NFYC: variants seen among roughly 807,000 people sequenced by gnomAD.
NFYC encodes the protein CAAT box DNA-binding protein subunit C.
NFYC carries 25 observed loss-of-function variants against 53.1 expected under a neutral mutation model. The observed-to-expected ratio is 0.47, with a 90% CI of 0.34 to 0.66. The LOEUF (loss-of-function observed/expected upper bound fraction) is 0.66, where lower values mean the gene tolerates loss of function less well. NFYC is among the 30% of genes least tolerant of loss of function. NFYC has a pLI of 0.01. For missense variants in NFYC, 260 were observed against 422.7 expected, an observed-to-expected ratio of 0.62 and a Z score of 3.38; for synonymous variants, 145 against 152.6, an observed-to-expected ratio of 0.95 and a Z score of 0.37.
chr1:40,718,171 G>C (rs1389492133), intron 1 of NFYC, among the ~76,000 whole-genome samples: 3 of 152,220 alleles, frequency 2.0e-5, no homozygotes, highest in African/African-American at 7.2e-5. Context: ...GTTAAGCAAT[G>C]TAATAGAATG....
chr1:40,767,291 A>C, intron 8 of NFYC: 1 of 346,730 alleles, frequency 2.9e-6, no homozygotes, highest in Non-Finnish European at 5.5e-6. Context: ...AGGCATTGTT[A>C]ATGGATTCTT....
intron 1 of NFYC, among the ~76,000 whole-genome samples, chr1:40,725,334 T>C (rs924123803): frequency 6.6e-6 from 1 of 152,206 alleles, no homozygotes; most frequent in Admixed American, 6.5e-5. Flanking sequence ...ATGTGTTCAG[T>C]ATACATCATT....
chr1:40,735,802 T>C, intron 1 of NFYC: 1 of 973,222 alleles, frequency 1.0e-6, no homozygotes, highest in Non-Finnish European at 1.2e-6. Context: ...CAGAAAGATA[T>C]TTTTGTTTGC....
At chr1:40,742,347 A>G (rs961590819) in intron 2 of NFYC, among the ~76,000 whole-genome samples, 1 of 151,990 alleles carries the variant, frequency 6.6e-6, no homozygotes, top group Non-Finnish European at 1.5e-5. Flanking sequence ...GCTGTGTTAC[A>G]TGAGTGTGCA....
Position 40,762,870 on chromosome 1 carries a change from C to T in NFYC, c.562-18C>T, listed in dbSNP as rs1419561208. On this transcript the variant is annotated intron_variant, in intron 6 of 9. Coordinates refer to ENST00000447388, the MANE Select transcript of NFYC (RefSeq NM_014223.5). ...TGAGCCTGAACTCACGCAGCATTCT[C>T]ATAACTCTTCCTTTCAGACCACACC... is the stretch of plus-strand genomic sequence containing the variant. 6.4e-7 allele frequency: 1 copy of T among 1,562,684 alleles called. No homozygotes were observed. Among genetic ancestry groups the T allele is most frequent in the Middle Eastern group, 1.9e-4 (1 of 5,344 alleles).
chr1:40,757,058 A>G (rs1212822396), intron 5 of NFYC, among the ~76,000 whole-genome samples: 1 of 152,232 alleles, frequency 6.6e-6, no homozygotes, highest in Non-Finnish European at 1.5e-5. Context: ...GTGTACATCT[A>G]AGAAGTGTCT....
intron 1 of NFYC, among the ~76,000 whole-genome samples, chr1:40,732,556 A>C (rs955391520): frequency 1.3e-5 from 2 of 152,332 alleles, no homozygotes; most frequent in East Asian, 3.9e-4. Flanking sequence ...TAGATTGCCC[A>C]CTCATCAGTG....
intron 1 of NFYC, among the ~76,000 whole-genome samples, chr1:40,698,290 A>T (rs569522012): frequency 6.6e-6 from 1 of 150,936 alleles, no homozygotes; most frequent in East Asian, 2.0e-4. Flanking sequence ...TCGAACCCAG[A>T]GGCGGAGGCT....
intron 1 of NFYC, among the ~76,000 whole-genome samples, chr1:40,727,996 T>C (rs1644598612): frequency 6.6e-6 from 1 of 152,094 alleles, no homozygotes; most frequent in African/African-American, 2.4e-5. Flanking sequence ...TGGAGTGCAG[T>C]GGTGTGATCT....
At chr1:40,767,079 G>A in intron 8 of NFYC, 2 of 1,126,766 alleles carry the variant, frequency 1.8e-6, no homozygotes, top group Non-Finnish European at 2.6e-6. Context: ...CACCTCCTGT[G>A]CTCTTTGGAA....
chr1:40,708,350 G>A (rs1453942873), intron 1 of NFYC, among the ~76,000 whole-genome samples: 1 of 152,190 alleles, frequency 6.6e-6, no homozygotes, highest in Non-Finnish European at 1.5e-5. Flanking sequence ...GAATGTGCAA[G>A]TGTTTTATGC....
At chr1:40,719,987 A>G (rs1644272589) in intron 1 of NFYC, among the ~76,000 whole-genome samples, 1 of 152,248 alleles carries the variant, frequency 6.6e-6, no homozygotes, top group South Asian at 2.1e-4. Flanking sequence ...AGTGTAAAGT[A>G]TGTACAAATG....
chr1:40,766,143 T>A, intron 7 of NFYC: 1 of 166,416 alleles, frequency 6.0e-6, no homozygotes, highest in Non-Finnish European at 1.3e-5. Context: ...GTGTGAGGGC[T>A]ATGATGCGGA....
chr1:40,718,660 A>T (rs1644225634), intron 1 of NFYC, among the ~76,000 whole-genome samples: 1 of 152,226 alleles, frequency 6.6e-6, no homozygotes, highest in Admixed American at 6.5e-5. Flanking sequence ...TCTTTAATGA[A>T]TCCTAAATTC....
At chr1:40,754,933 C>G (rs940774906) in intron 5 of NFYC, among the ~76,000 whole-genome samples, 1 of 152,022 alleles carries the variant, frequency 6.6e-6, no homozygotes, top group South Asian at 2.1e-4. Context: ...TGTAGGTGTT[C>G]GAGGCATTGA....
chr1:40,707,861 A>AG (rs1244285101), intron 1 of NFYC, among the ~76,000 whole-genome samples: 1 of 151,718 alleles, frequency 6.6e-6, no homozygotes, highest in East Asian at 1.9e-4. Context: ...AAAAAAAAAA[A>AG]AAAAAGAATG....
chr1:40,738,209 T>C (rs1475376906), intron 1 of NFYC, among the ~76,000 whole-genome samples: 1 of 152,170 alleles, frequency 6.6e-6, no homozygotes, highest in Non-Finnish European at 1.5e-5. Context: ...GCCCTCTCTC[T>C]TTTTTTAAGA....
intron 2 of NFYC, among the ~76,000 whole-genome samples, chr1:40,745,249 G>C (rs1176460431): frequency 6.6e-6 from 1 of 152,106 alleles, no homozygotes; most frequent in Non-Finnish European, 1.5e-5. Flanking sequence ...AGTAATCATG[G>C]AACGTTCTTG....
At chr1:40,763,809 A>T (rs1022612354) in intron 7 of NFYC, among the ~76,000 whole-genome samples, 1 of 152,126 alleles carries the variant, frequency 6.6e-6, no homozygotes, top group African/African-American at 2.4e-5. Flanking sequence ...ATTTCCCCTC[A>T]TTCTACCTAT....
Sources: gnomAD v4.1 joint callset for allele counts (sites outside exome capture counted in the v4.1 genomes callset) on GRCh38, gnomAD v4.1.1 for gene constraint, MANE v1.5 for transcripts, NCBI Gene and HGNC (gene_info 2026-07-23, HGNC 2026-07-21) for gene names.